The following HPD variants were observed in gnomAD, a reference collection of about 807,000 sequenced individuals.
HPD encodes 4-hydroxyphenylpyruvic acid oxidase.
In HPD, 35 loss-of-function variants were observed where a neutral mutation model predicts 56.9. The ratio of observed to expected loss-of-function variants is 0.62; its 90% CI spans 0.47 to 0.82. The LOEUF (loss-of-function observed/expected upper bound fraction) is 0.82, where lower values mean the gene tolerates loss of function less well. Among genes scored for constraint, HPD ranks in the 40% least tolerant of loss-of-function variants. HPD has a pLI of 0.00. For synonymous variants in HPD, 186 were observed against 200.2 expected (o/e 0.93, Z 0.60); for missense variants, 442 against 506.8 (o/e 0.87, Z 1.23).
intron 13 of HPD, 38 bp downstream of exon 13, chr12:121,839,894 C>G: frequency 2.5e-6 from 4 of 1,606,096 alleles, no homozygotes; most frequent in East Asian, 2.2e-5. Context: ...AGTGTGCTAG[C>G]TGCCTGTCCC....
intron 8 of HPD, 43 bp from the exon 9 acceptor site, chr12:121,849,119 C>A (rs748918266): frequency 2.9e-5 from 36 of 1,256,596 alleles, no homozygotes; most frequent in South Asian, 1.3e-4. Flanking sequence ...GGCTACCCCC[C>A]AGATTGCTCC....
intron 2 of HPD, 35 bp downstream of exon 2, chr12:121,858,652 C>T: frequency 6.2e-7 from 1 of 1,608,748 alleles, no homozygotes; most frequent in Non-Finnish European, 8.5e-7. Context: ...CTTCTAGACT[C>T]AGGCCCCTAC....
the HPD span, among the ~76,000 whole-genome samples, chr12:121,885,682 G>T: frequency 6.6e-6 from 1 of 151,698 alleles, no homozygotes; most frequent in Admixed American, 6.6e-5. Context: ...AGGAAATTTG[G>T]CCAGGTGCGG....
Position 121,846,765 on chromosome 12 carries a change from C to T in HPD, c.831+97G>A, listed in dbSNP as rs545952069. 4.3e-4 allele frequency: 486 copies of T among 1,127,514 alleles called. 6 individuals carry two copies. In the Middle Eastern group the frequency reaches 6.1e-3, roughly 14 times the overall value. The allele number at this position is 1,127,514 out of a possible 1,614,324, so 69.8% of individuals were successfully genotyped here. A position where few individuals can be genotyped will look rare whatever the true frequency, so the allele number is the denominator to read the frequency against. On this transcript the variant is annotated intron_variant, in intron 11 of 13. Coordinates refer to ENST00000289004, the MANE Select transcript of HPD (RefSeq NM_002150.3). ...CTGTCAGTCTCCCAGCCCAGAGAAA[C>T]GGGCCCAGGACTGCCGCCACCCGCC...
intron 12 of HPD, among the ~76,000 whole-genome samples, chr12:121,841,136 A>G: frequency 6.7e-6 from 1 of 148,416 alleles, no homozygotes; most frequent in Admixed American, 6.8e-5. Context: ...CGGGAAGTGG[A>G]GGTTGCAGTG....
At position 121,857,347 on chromosome 12, in the gene HPD, T is replaced by C. The variant is rs546300388; in HGVS notation, c.179A>G (p.His60Arg). The change falls in exon 4 of 14, where the codon CAT becomes CGT. Residue 60 changes from histidine (H) to arginine (R), a missense_variant. Coordinates refer to ENST00000289004, the MANE Select transcript of HPD (RefSeq NM_002150.3). ...LETGSREVVS[H>R]VIKQGKIVFV... is the part of the protein sequence containing the mutation. ...ACTCACCTTCCCTTGTTTGATTACATGGCTGACCACCTCCCGGGAACCGGT... is the reference window on the plus strand; with the variant it reads ...ACTCACCTTCCCTTGTTTGATTACACGGCTGACCACCTCCCGGGAACCGGT... 43 of 1,613,596 alleles carry C rather than the reference T, an allele frequency of 2.7e-5. No individual in the cohort carries two copies. In the South Asian group the frequency reaches 4.5e-4, roughly 17 times the overall value.
At chr12:121,869,345 C>A in the HPD span, among the ~76,000 whole-genome samples, 2 of 70,560 alleles carry the variant, frequency 2.8e-5, no homozygotes, top group African/African-American at 1.2e-4. Flanking sequence ...AGTGAAACTT[C>A]GTCTCAAAAA....
intron 7 of HPD, among the ~76,000 whole-genome samples, chr12:121,854,315 C>T (rs1478433528): frequency 3.9e-5 from 6 of 152,126 alleles, no homozygotes; most frequent in African/African-American, 1.2e-4. Flanking sequence ...GAAAGTTAAG[C>T]GCATGTCCCA....
upstream of HPD, among the ~76,000 whole-genome samples, chr12:121,862,960 G>A (rs575661297): frequency 6.0e-4 from 91 of 150,720 alleles, no homozygotes; most frequent in African/African-American, 2.1e-3. Flanking sequence ...GATTATAGGC[G>A]TGAGCCACCG....
intron 4 of HPD, chr12:121,856,937 C>G (rs1566574297): frequency 1.5e-5 from 8 of 517,642 alleles, no homozygotes; most frequent in Non-Finnish European, 2.8e-5. Flanking sequence ...TTCTGAGCAC[C>G]TGTGGGGTCA....
At chr12:121,885,835 T>C in the HPD span, among the ~76,000 whole-genome samples, 1 of 151,530 alleles carries the variant, frequency 6.6e-6, no homozygotes, top group Non-Finnish European at 1.5e-5. Context: ...CATGGTGGCA[T>C]ACGCCTGTAA....
At position 121,857,447 on chromosome 12, in the gene HPD, T is replaced by G; in HGVS notation, c.94-15A>C. ...AATGACGTGGCCTGAATCACAGGGT[T>G]GCAGCAGGGTTCATGAGGGTCAAGG... On this transcript the variant is annotated splice_polypyrimidine_tract_variant and intron_variant, in intron 3 of 13. Transcript: ENST00000289004. The G allele has an allele frequency of 6.3e-7, 1 of 1,578,550 alleles. No individual in the cohort carries two copies. Among genetic ancestry groups the G allele is most frequent in the Non-Finnish European group, 8.7e-7 (1 of 1,147,596 alleles).
chr12:121,845,065 C>T (rs74832267), intron 11 of HPD, among the ~76,000 whole-genome samples: 10,647 of 148,372 alleles, frequency 0.072, 1,279 homozygotes, highest in East Asian at 0.22. Flanking sequence ...GCCTAGAAGA[C>T]AGAGCAAGAC....
intron 12 of HPD, among the ~76,000 whole-genome samples, chr12:121,841,325 G>A (rs981078184): frequency 6.6e-6 from 1 of 152,046 alleles, no homozygotes; most frequent in Non-Finnish European, 1.5e-5. Flanking sequence ...GGCCAAGATC[G>A]CACCACTGCA....
At chr12:121,883,918 T>C in the HPD span, among the ~76,000 whole-genome samples, 4 of 152,156 alleles carry the variant, frequency 2.6e-5, no homozygotes, top group African/African-American at 9.6e-5. Context: ...TGCAAGTTAG[T>C]AGCTGAAACC....
At chr12:121,885,901 G>A in the HPD span, among the ~76,000 whole-genome samples, 2 of 151,192 alleles carry the variant, frequency 1.3e-5, no homozygotes, top group African/African-American at 2.4e-5. Context: ...GGACGTTGCA[G>A]TGAGCCGAGA....
the HPD span, among the ~76,000 whole-genome samples, chr12:121,871,626 G>A: frequency 6.6e-6 from 1 of 152,206 alleles, no homozygotes; most frequent in African/African-American, 2.4e-5. Context: ...GGCCACTTAG[G>A]TGGGGCTGGT....
intron 7 of HPD, 75 bp from the exon 8 acceptor site, chr12:121,849,865 T>G: frequency 3.1e-6 from 3 of 958,860 alleles, no homozygotes; most frequent in Non-Finnish European, 5.0e-6. Context: ...TTCATAGCGC[T>G]AACGTAGCCC....
chr12:121,857,169 TCC>T lies in HPD; in HGVS notation c.198+157_198+158del, dbSNP rs1413020134. 7.9e-6 allele frequency: 5 copies of T among 629,636 alleles called. No individual in the cohort carries two copies. The East Asian group carries it at 1.4e-4, about 18-fold the overall frequency. 39.0% of individuals were successfully genotyped at this position (629,636 alleles called of 1,614,324 possible). A position where few individuals can be genotyped will look rare whatever the true frequency, so the allele number is the denominator to read the frequency against. ...ACGTTGGCTCACTGCAACCTCTGCC[TCC>T]CGGGTTCAAGCGATGTGCCTGCCTC... is the stretch of plus-strand genomic sequence containing the variant. On this transcript the variant is annotated intron_variant, in intron 4 of 13. Transcript: ENST00000289004.
Sources: gnomAD v4.1 joint callset for allele counts (sites outside exome capture counted in the v4.1 genomes callset) on GRCh38, gnomAD v4.1.1 for gene constraint, MANE v1.5 for transcripts, NCBI Gene and HGNC (gene_info 2026-07-23, HGNC 2026-07-21) for gene names.